The following ARHGAP35 variants were observed in gnomAD, a reference collection of about 807,000 sequenced individuals.
The protein encoded by ARHGAP35 is Rho GTPase activating protein 35.
ARHGAP35 carries 15 observed loss-of-function variants against 111.1 expected under a neutral mutation model. The ratio of observed to expected loss-of-function variants is 0.13; its 90% CI spans 0.09 to 0.21. The LOEUF is 0.21. Among genes scored for constraint, ARHGAP35 ranks in the 10% least tolerant of loss-of-function variants. ARHGAP35 has a pLI of 1.00. For synonymous variants in ARHGAP35, 643 were observed against 710.3 expected, an observed-to-expected ratio of 0.91 and a Z score of 1.51; for missense variants, 1,262 against 1,873.0, an observed-to-expected ratio of 0.67 and a Z score of 6.02.
At chr19:46,891,039 G>A (rs564798237) in intron 1 of ARHGAP35, among the ~76,000 whole-genome samples, 1 of 152,190 alleles carries the variant, frequency 6.6e-6, no homozygotes, top group Non-Finnish European at 1.5e-5. Context: ...AGGTAGGATA[G>A]TTGGGCTTTG....
Position 46,871,054 on chromosome 19 carries a change from A to T in ARHGAP35, c.-189+9845A>T, listed in dbSNP as rs529996006. ...CTTTATATTTAATATACAAATGTGA[A>T]CATGTAGGATGTTTCTAACTTTACC... On this transcript the variant is annotated intron_variant, in intron 1 of 6. Transcript: ENST00000672722. Among the ~76,000 whole-genome samples the T allele has an allele frequency of 2.6e-5, 4 of 152,340 alleles. No individual in the cohort carries two copies. In the South Asian group the frequency reaches 8.3e-4, roughly 32 times the overall value.
chr19:46,970,795 T>TAC (rs1171702555), intron 3 of ARHGAP35, among the ~76,000 whole-genome samples: 3 of 151,828 alleles, frequency 2.0e-5, no homozygotes, highest in Middle Eastern at 3.2e-3. Flanking sequence ...GGCTGGGAGG[T>TAC]AGAGTTGTTG....
chr19:46,967,148 G>C (rs987143628), intron 3 of ARHGAP35, among the ~76,000 whole-genome samples: 2 of 151,894 alleles, frequency 1.3e-5, no homozygotes, highest in African/African-American at 4.8e-5. Flanking sequence ...GAATTGTAAG[G>C]GAGTCCTTCT....
intron 3 of ARHGAP35, among the ~76,000 whole-genome samples, chr19:46,971,635 G>T (rs2056550271): frequency 6.6e-6 from 1 of 151,392 alleles, no homozygotes; most frequent in Non-Finnish European, 1.5e-5. Flanking sequence ...GAGCAGCTGG[G>T]ATTACAGGCG....
At chr19:46,899,627 G>C (rs944812085) in intron 1 of ARHGAP35, among the ~76,000 whole-genome samples, 2 of 151,618 alleles carry the variant, frequency 1.3e-5, no homozygotes, top group African/African-American at 4.9e-5. Flanking sequence ...TTGAGCCTGG[G>C]AGGTTGAGGC....
At chr19:46,964,104 G>A (rs1230587225) in intron 3 of ARHGAP35, among the ~76,000 whole-genome samples, 1 of 151,980 alleles carries the variant, frequency 6.6e-6, no homozygotes, top group Non-Finnish European at 1.5e-5. Flanking sequence ...CTGACCTCAG[G>A]TGATCCACCC....
chr19:46,968,372 A>G (rs970507882), intron 3 of ARHGAP35, among the ~76,000 whole-genome samples: 2 of 152,232 alleles, frequency 1.3e-5, no homozygotes, highest in Admixed American at 1.3e-4. Context: ...GCTGTGGGTC[A>G]GCAGAGCAGG....
rs371769271 is a variant in ARHGAP35 at position 46,922,351 on chromosome 19, A to C, written c.3676A>C (p.Thr1226Pro). The change falls in exon 2 of 7, where the codon ACT becomes CCT. Residue 1226 changes from threonine (T) to proline (P), a missense_variant. Physicochemically the swap from Thr to Pro is conservative, Grantham distance 38. Around this residue, in one of 8 missense-constraint regions of ARHGAP35, gnomAD observed 579 missense variants for 716.9 expected, o/e 0.81. Coordinates refer to ENST00000672722, the MANE Select transcript of ARHGAP35 (RefSeq NM_004491.5). The surrounding 1 kb of genome is among the most constrained non-coding windows in gnomAD (Gnocchi z 4.0). ...RNILRSLRRN[T>P]KKPKPKPRPS... ...TATTCTTCGCAGCCTAAGGAGGAAC[A>C]CTAAGGTAAGACACCAGTCTAGGAT... The C allele has an allele frequency of 3.1e-5, 50 of 1,592,162 alleles. No individual in the cohort carries two copies. Among genetic ancestry groups the C allele is most frequent in the Admixed American group, 6.9e-5 (4 of 57,818 alleles).
chr19:47,000,251 TG>T lies in ARHGAP35; in HGVS notation c.4143-77del. 1 of 1,434,738 alleles carries T rather than the reference TG, an allele frequency of 7.0e-7. No individual in the cohort carries two copies. The allele number at this position is 1,434,738 out of a possible 1,614,324, so 88.9% of individuals were successfully genotyped here. A position where few individuals can be genotyped will look rare whatever the true frequency, so the allele number is the denominator to read the frequency against. On this transcript the variant is annotated intron_variant, in intron 6 of 6. Transcript: ENST00000672722. The surrounding 1 kb of genome is among the most constrained non-coding windows in gnomAD (Gnocchi z 6.9). Reference sequence around the variant, plus strand: ...TGAGGGAAGAAAGGTGGGCTCAGCCTGGGTGCTGAAGACCATGAGCGCCCAG... The same window carrying T: ...TGAGGGAAGAAAGGTGGGCTCAGCCTGGTGCTGAAGACCATGAGCGCCCAG...
chr19:46,919,416 T>G lies in ARHGAP35; in HGVS notation c.741T>G (p.Ile247Met), dbSNP rs768527376. 7 of 1,613,890 alleles carry G rather than the reference T, an allele frequency of 4.3e-6. No homozygotes were observed. Among genetic ancestry groups the G allele is most frequent in the Non-Finnish European group, 5.9e-6 (7 of 1,179,894 alleles). The change falls in exon 2 of 7, where the codon ATT becomes ATG. Residue 247 changes from isoleucine (I) to methionine (M), a missense_variant. Coordinates refer to ENST00000672722, the MANE Select transcript of ARHGAP35 (RefSeq NM_004491.5). The surrounding 1 kb of genome is among the most constrained non-coding windows in gnomAD (Gnocchi z 6.2). ...DLAFSTLVQLIDKSRGKTKII... is the reference protein window; with the variant it reads ...DLAFSTLVQLMDKSRGKTKII... ...CTTTCAGCACCTTAGTGCAACTCAT[T>G]GATAAAAGTCGGGGAAAGACAAAAA...
intron 1 of ARHGAP35, among the ~76,000 whole-genome samples, chr19:46,879,079 T>G (rs565886907): frequency 6.6e-6 from 1 of 152,242 alleles, no homozygotes; most frequent in African/African-American, 2.4e-5. Flanking sequence ...CTTTATCAGC[T>G]AAGCTATGTA....
chr19:46,865,758 C>T (rs2055852180), intron 1 of ARHGAP35, among the ~76,000 whole-genome samples: 2 of 152,184 alleles, frequency 1.3e-5, no homozygotes, highest in African/African-American at 4.8e-5. Context: ...AGGTGTTAGG[C>T]CGCTTGCAGC....
Position 46,921,602 on chromosome 19 carries a change from C to T in ARHGAP35, c.2927C>T (p.Pro976Leu). 3 of 1,613,956 alleles carry T rather than the reference C, an allele frequency of 1.9e-6. No homozygotes were observed. The highest frequency in any genetic ancestry group is 2.5e-6 in the Non-Finnish European group (3 of 1,179,868). The change falls in exon 2 of 7, where the codon CCG (proline) becomes CTG (leucine). Residue 976 changes from proline (P) to leucine (L), a missense_variant. By Grantham distance (98) the Pro-to-Leu change is moderately conservative. Around this residue, in one of 8 missense-constraint regions of ARHGAP35, gnomAD observed 579 missense variants for 716.9 expected, o/e 0.81. Transcript: ENST00000672722. The surrounding 1 kb of genome is among the most constrained non-coding windows in gnomAD (Gnocchi z 4.3). The stretch of plus-strand genomic sequence containing the variant: ...TTTAACTCCCCCCGGGCAGGATCAC[C>T]GCTCTGCAACTCAAACCTGCAGGAT... ...EVFNSPRAGSPLCNSNLQDSE... is the reference protein window; with the variant it reads ...EVFNSPRAGSLLCNSNLQDSE...
chr19:46,971,331 G>A lies in ARHGAP35; in HGVS notation c.3827-16658G>A, dbSNP rs551061852. Reference sequence around the variant, plus strand: ...GGAGGCAGGAGAATCGCTTGAACCCGGGAGGCAGAGGTTGCAGTGAACTGA... The same window carrying A: ...GGAGGCAGGAGAATCGCTTGAACCCAGGAGGCAGAGGTTGCAGTGAACTGA... On this transcript the variant is annotated intron_variant, in intron 3 of 6. Transcript: ENST00000672722. Among the ~76,000 whole-genome samples the A allele has an allele frequency of 7.3e-5, 11 of 151,672 alleles. No individual in the cohort carries two copies. The South Asian group carries it at 1.9e-3, about 26-fold the overall frequency.
rs2056121911 is a variant in ARHGAP35, at chr19:46,908,447, G to A, written c.-188-10041G>A. On this transcript the variant is annotated intron_variant, in intron 1 of 6. Transcript: ENST00000672722. This position sits in a 1 kb window ranked among gnomAD's most constrained non-coding sequence, Gnocchi z 4.2. Reference sequence around the variant, plus strand: ...GCCTTGGTTTTGTATTCCCTTTGACGTAGAATATTTTTACAGCTTATCAGA... The same window carrying A: ...GCCTTGGTTTTGTATTCCCTTTGACATAGAATATTTTTACAGCTTATCAGA... Among the ~76,000 whole-genome samples the A allele has an allele frequency of 1.3e-5, 2 of 152,220 alleles. No individual in the cohort carries two copies. Among genetic ancestry groups the A allele is most frequent in the South Asian group, 2.1e-4 (1 of 4,826 alleles).
chr19:46,873,835 G>A lies in ARHGAP35; in HGVS notation c.-189+12626G>A, dbSNP rs113870059. 2.1e-3 allele frequency among the ~76,000 whole-genome samples: 311 copies of A among 151,656 alleles called. 3 individuals are homozygous for A. The highest frequency in any genetic ancestry group is 7.0e-3 in the African/African-American group (288 of 41,388). On this transcript the variant is annotated intron_variant, in intron 1 of 6. Transcript: ENST00000672722. ...ACGATCTCGGCTCACTGCAACTTCC[G>A]CCTCCGGGGTACACGCCATTCTCTG...
intron 3 of ARHGAP35, among the ~76,000 whole-genome samples, chr19:46,939,918 T>C (rs1450116996): frequency 1.3e-5 from 2 of 150,752 alleles, no homozygotes; most frequent in Non-Finnish European, 3.0e-5. Flanking sequence ...TCCAGGACCT[T>C]ATCCTGGACC....
intron 3 of ARHGAP35, among the ~76,000 whole-genome samples, chr19:46,979,977 G>C (rs1321281660): frequency 6.6e-6 from 1 of 152,168 alleles, no homozygotes; most frequent in Non-Finnish European, 1.5e-5. Flanking sequence ...GCGGGGACTC[G>C]TGTGATTTCA....
chr19:46,995,425 C>A (rs2056702083), intron 5 of ARHGAP35, among the ~76,000 whole-genome samples: 1 of 152,180 alleles, frequency 6.6e-6, no homozygotes, highest in South Asian at 2.1e-4. Context: ...AGTGTCCTAG[C>A]TGGTGAAGCC....
Sources: gnomAD v4.1 joint callset for allele counts (sites outside exome capture counted in the v4.1 genomes callset) on GRCh38, gnomAD v4.1.1 for gene constraint, gnomAD v4.1.1 regional missense constraint, Gnocchi (gnomAD v3.1) non-coding constraint, MANE v1.5 for transcripts, NCBI Gene and HGNC (gene_info 2026-07-23, HGNC 2026-07-21) for gene names.